ANKDD1B: variants seen among roughly 807,000 people sequenced by gnomAD.
The protein encoded by ANKDD1B is ankyrin repeat and death domain-containing protein 1B.
ANKDD1B carries 57 observed loss-of-function variants against 59.7 expected under a neutral mutation model. The ratio of observed to expected loss-of-function variants is 0.95; its 90% CI spans 0.77 to 1.19. ANKDD1B has a LOEUF of 1.19. ANKDD1B is among the 50% of genes most tolerant of loss of function. ANKDD1B has a pLI of 0.00. For synonymous variants in ANKDD1B, 216 were observed against 239.5 expected, an observed-to-expected ratio of 0.90 and a Z score of 0.91; for missense variants, 602 against 641.9, an observed-to-expected ratio of 0.94 and a Z score of 0.67.
At chr5:75,631,948 A>C (rs1427306716) in intron 5 of ANKDD1B, among the ~76,000 whole-genome samples, 1 of 152,048 alleles carries the variant, frequency 6.6e-6, no homozygotes, top group Non-Finnish European at 1.5e-5. Context: ...TCTACTAAAA[A>C]TACAAAAAAT....
At chr5:75,618,711 C>CATAGT (rs1773773620) in intron 2 of ANKDD1B, among the ~76,000 whole-genome samples, 1 of 152,124 alleles carries the variant, frequency 6.6e-6, no homozygotes, top group African/African-American at 2.4e-5. Flanking sequence ...CTCCAGATTT[C>CATAGT]AGACAAAGTC....
At position 75,628,825 on chromosome 5, in the gene ANKDD1B, G is replaced by C. The variant is rs529019931; in HGVS notation, c.600+2870G>C. 8.5e-5 allele frequency among the ~76,000 whole-genome samples: 13 copies of C among 152,312 alleles called. No homozygotes were observed. In the South Asian group the frequency reaches 2.7e-3, roughly 32 times the overall value. On this transcript the variant is annotated intron_variant, in intron 5 of 13. Transcript: ENST00000601380. ...AGGCCTTTCCAGGGGAGAGAGATTA[G>C]AGCAGCCAGGAGTTATGAATAAAGT...
chr5:75,619,907 T>C (rs181158656), intron 2 of ANKDD1B, among the ~76,000 whole-genome samples: 43 of 152,362 alleles, frequency 2.8e-4, no homozygotes, highest in Non-Finnish European at 5.3e-4. Flanking sequence ...ACGAGTGGAT[T>C]GAATATCTAG....
At chr5:75,630,595 G>T (rs575055307) in intron 5 of ANKDD1B, among the ~76,000 whole-genome samples, 2 of 152,140 alleles carry the variant, frequency 1.3e-5, no homozygotes, top group Admixed American at 6.5e-5. Flanking sequence ...TAGCAACCAC[G>T]GGTAAAAGAA....
intron 3 of ANKDD1B, among the ~76,000 whole-genome samples, chr5:75,623,435 T>C (rs1197379707): frequency 6.6e-6 from 1 of 152,066 alleles, no homozygotes; most frequent in Non-Finnish European, 1.5e-5. Context: ...GAACTCCAAA[T>C]TAAGAGGTGG....
chr5:75,664,369 C>T (rs1350888366), intron 11 of ANKDD1B, among the ~76,000 whole-genome samples: 1 of 152,190 alleles, frequency 6.6e-6, no homozygotes, highest in Non-Finnish European at 1.5e-5. Flanking sequence ...AAGGTCACAC[C>T]ATCCTCCTTG....
At chr5:75,669,481 G>A (rs963516122) in intron 13 of ANKDD1B, 98 bp downstream of exon 13, 2 of 1,085,866 alleles carry the variant, frequency 1.8e-6, no homozygotes, top group Non-Finnish European at 2.3e-6. Flanking sequence ...CCCCAGCGTG[G>A]TGTTAGCTGT....
rs1775462069 is a variant in ANKDD1B at position 75,670,959 on chromosome 5, T to C, written c.1526-20T>C. On this transcript the variant is annotated intron_variant, in intron 13 of 13. Transcript: ENST00000601380. The stretch of plus-strand genomic sequence containing the variant: ...TTTAAAAATTTTAGGTATTCATAAA[T>C]GTTATCTTATTTTTTCCAGAAAAGA... The C allele has an allele frequency of 1.7e-6, 2 of 1,170,674 alleles. No individual in the cohort carries two copies. The highest frequency in any genetic ancestry group is 2.1e-6 in the Non-Finnish European group (2 of 932,094). 72.5% of individuals were successfully genotyped at this position (1,170,674 alleles called of 1,614,324 possible). A position where few individuals can be genotyped will look rare whatever the true frequency, so the allele number is the denominator to read the frequency against.
At chr5:75,661,070 G>T (rs1184774982) in intron 10 of ANKDD1B, among the ~76,000 whole-genome samples, 5 of 146,096 alleles carry the variant, frequency 3.4e-5, no homozygotes, top group Admixed American at 1.3e-4. Context: ...CTAAAATTAG[G>T]TTTTTTTGTT....
At chr5:75,628,318 A>G (rs1774044787) in intron 5 of ANKDD1B, among the ~76,000 whole-genome samples, 1 of 152,190 alleles carries the variant, frequency 6.6e-6, no homozygotes, top group Admixed American at 6.5e-5. Flanking sequence ...CTAGACAACC[A>G]TGAGTATACT....
At chr5:75,621,321 C>A (rs900204795) in intron 3 of ANKDD1B, among the ~76,000 whole-genome samples, 6 of 152,178 alleles carry the variant, frequency 3.9e-5, no homozygotes, top group African/African-American at 1.4e-4. Context: ...ATGATTTGCA[C>A]TGCCTTGAGT....
intron 5 of ANKDD1B, among the ~76,000 whole-genome samples, chr5:75,629,443 G>A (rs550882530): frequency 6.6e-6 from 1 of 152,152 alleles, no homozygotes; most frequent in South Asian, 2.1e-4. Context: ...ACACATCTCA[G>A]GGATCCCTGT....
chr5:75,653,177 C>T lies in ANKDD1B; in HGVS notation c.834C>T (p.Asn278=), dbSNP rs112912188. ...GTAGTTTGCAGATAGCAACCAGGAACGGCCATGCATCCCTTGTCAACTTTC... is the reference window on the plus strand; with the variant it reads ...GTAGTTTGCAGATAGCAACCAGGAATGGCCATGCATCCCTTGTCAACTTTC... ...NISSLQIATR[N]GHASLVNFLL... is the part of the protein sequence containing the mutation. The change falls in exon 8 of 14, where the codon AAC becomes AAT. Residue 278 remains asparagine, a synonymous_variant. Transcript: ENST00000601380. 8.9e-4 allele frequency: 1,369 copies of T among 1,536,034 alleles called. 27 individuals are homozygous for T. The highest frequency in any genetic ancestry group is 7.3e-3 in the South Asian group (615 of 84,030).
chr5:75,617,546 A>T (rs777270443), intron 2 of ANKDD1B, among the ~76,000 whole-genome samples: 1 of 152,132 alleles, frequency 6.6e-6, no homozygotes, highest in Non-Finnish European at 1.5e-5. Context: ...CAGGTTTATC[A>T]AAGTGAAGGT....
chr5:75,661,989 G>T (rs1161778517), intron 10 of ANKDD1B, among the ~76,000 whole-genome samples: 1 of 137,246 alleles, frequency 7.3e-6, no homozygotes, highest in African/African-American at 2.7e-5. Context: ...TCAAAGTTTG[G>T]TATAAATTTG....
At position 75,669,402 on chromosome 5, in the gene ANKDD1B, A is replaced by G. The variant is rs2112041006; in HGVS notation, c.1525+19A>G. 8.1e-7 allele frequency: 1 copy of G among 1,231,982 alleles called. No homozygotes were observed. Among genetic ancestry groups the G allele is most frequent in the East Asian group, 3.2e-5 (1 of 31,706 alleles). The allele number at this position is 1,231,982 out of a possible 1,614,324, so 76.3% of individuals were successfully genotyped here. A position where few individuals can be genotyped will look rare whatever the true frequency, so the allele number is the denominator to read the frequency against. ...CTAGCTGGTAAGTGACAGTTTCAAC[A>G]ACAGAAATTCTTTCTCCCTTAAAAT... On this transcript the variant is annotated intron_variant, in intron 13 of 13. Transcript: ENST00000601380.
At chr5:75,659,810 T>C (rs1775075120) in intron 10 of ANKDD1B, among the ~76,000 whole-genome samples, 1 of 152,176 alleles carries the variant, frequency 6.6e-6, no homozygotes, top group African/African-American at 2.4e-5. Flanking sequence ...TTACTCTTAT[T>C]CCCTTCCTCC....
At chr5:75,670,862 A>G in intron 13 of ANKDD1B, 117 bp from the exon 14 acceptor site, 1 of 404,038 alleles carries the variant, frequency 2.5e-6, no homozygotes, top group Non-Finnish European at 4.3e-6. Flanking sequence ...CTAGGAAAGA[A>G]AATAAAAATG....
At chr5:75,637,240 C>CAGAAAAAAA (rs1774338107) in intron 7 of ANKDD1B, among the ~76,000 whole-genome samples, 1 of 69,956 alleles carries the variant, frequency 1.4e-5, no homozygotes, top group Admixed American at 1.7e-4. Flanking sequence ...GACTCTGTCT[C>CAGAAAAAAA]AAAAAAAAAA....
Sources: allele counts gnomAD v4.1 joint callset (sites outside exome capture counted in the v4.1 genomes callset), GRCh38; gene constraint gnomAD v4.1.1; transcripts MANE v1.5; gene names NCBI Gene and HGNC (gene_info 2026-07-23, HGNC 2026-07-21).